LYPLAL1: variants seen among roughly 807,000 people sequenced by gnomAD.
LYPLAL1 encodes lysophospholipase-like protein 1.
In LYPLAL1, 23 loss-of-function variants were observed where a neutral mutation model predicts 19.7. That is an observed-to-expected ratio of 1.17 (90% CI 0.84 to 1.65). The LOEUF is 1.65. Among genes scored for constraint, LYPLAL1 ranks in the 40% most tolerant of loss-of-function variants. The pLI is 0.00. For missense variants in LYPLAL1, 355 were observed against 279.4 expected (o/e 1.27, Z -1.93); for synonymous variants, 119 against 96.3 (o/e 1.24, Z -1.38).
chr1:219,281,115 C>G, the LYPLAL1 span, among the ~76,000 whole-genome samples: 7 of 152,134 alleles, frequency 4.6e-5, no homozygotes, highest in African/African-American at 1.7e-4. Context: ...TAAAGAAGTA[C>G]TCAGGGTGAT....
chr1:219,432,030 T>C, the LYPLAL1 span, among the ~76,000 whole-genome samples: 4 of 152,238 alleles, frequency 2.6e-5, no homozygotes, highest in African/African-American at 4.8e-5. Flanking sequence ...CTATATTTCA[T>C]TGTTAATAAA....
intron 3 of LYPLAL1, among the ~76,000 whole-genome samples, chr1:219,201,051 A>G (rs543128219): frequency 6.6e-6 from 1 of 152,326 alleles, no homozygotes; most frequent in African/African-American, 2.4e-5. Flanking sequence ...AAAGTGTACC[A>G]GTTGATACTT....
the LYPLAL1 span, among the ~76,000 whole-genome samples, chr1:219,299,161 T>G: frequency 1.3e-5 from 2 of 148,946 alleles, no homozygotes; most frequent in African/African-American, 2.5e-5. Context: ...TTTTTTTGTC[T>G]TTTAAACTTG....
At chr1:219,283,663 G>A in the LYPLAL1 span, among the ~76,000 whole-genome samples, 1 of 152,048 alleles carries the variant, frequency 6.6e-6, no homozygotes. Context: ...ACAGCCTTTG[G>A]GCAGAGGAAA....
intron 3 of LYPLAL1, among the ~76,000 whole-genome samples, chr1:219,201,261 G>A (rs1272803007): frequency 6.6e-6 from 1 of 150,808 alleles, no homozygotes; most frequent in Non-Finnish European, 1.5e-5. Flanking sequence ...CTGAGTTTAA[G>A]TTTTCTCATT....
the LYPLAL1 span, among the ~76,000 whole-genome samples, chr1:219,260,234 A>C: frequency 6.6e-6 from 1 of 151,930 alleles, no homozygotes; most frequent in African/African-American, 2.4e-5. Context: ...AGAGGCATTA[A>C]GATTGGTATT....
intron 3 of LYPLAL1, among the ~76,000 whole-genome samples, chr1:219,203,019 G>A (rs1195444517): frequency 6.6e-6 from 1 of 152,090 alleles, no homozygotes; most frequent in African/African-American, 2.4e-5. Flanking sequence ...GAATTATAAT[G>A]GGAAAAACTA....
the LYPLAL1 span, among the ~76,000 whole-genome samples, chr1:219,423,783 T>C: frequency 6.6e-6 from 1 of 152,080 alleles, no homozygotes; most frequent in African/African-American, 2.4e-5. Context: ...TCAGACACTA[T>C]ACTTAGTAAG....
At chr1:219,241,130 C>A in the LYPLAL1 span, among the ~76,000 whole-genome samples, 1,126 of 70,838 alleles carry the variant, frequency 0.016, 4 homozygotes, top group Middle Eastern at 0.022. Flanking sequence ...CTCTCTCTCT[C>A]TCTCTATATA....
At chr1:219,398,597 T>C in the LYPLAL1 span, among the ~76,000 whole-genome samples, 1 of 152,218 alleles carries the variant, frequency 6.6e-6, no homozygotes, top group Non-Finnish European at 1.5e-5. Context: ...GCTGAGGAGA[T>C]GGTGTGGTCA....
intron 3 of LYPLAL1, among the ~76,000 whole-genome samples, chr1:219,199,621 C>CTT (rs895358522): frequency 1.0e-5 from 1 of 95,834 alleles, no homozygotes; most frequent in Non-Finnish European, 2.2e-5. Flanking sequence ...TTTTTTTTTT[C>CTT]TTTTTTTTTT....
At chr1:219,375,125 A>T in the LYPLAL1 span, among the ~76,000 whole-genome samples, 4 of 152,208 alleles carry the variant, frequency 2.6e-5, no homozygotes, top group Non-Finnish European at 5.9e-5. Flanking sequence ...TTTAGAAGGG[A>T]CAAAGCACAG....
chr1:219,226,140 G>A, the LYPLAL1 span, among the ~76,000 whole-genome samples: 3 of 152,084 alleles, frequency 2.0e-5, no homozygotes, highest in Non-Finnish European at 4.4e-5. Flanking sequence ...TGAACTCAAG[G>A]CTAAGGGCTA....
At chr1:219,348,220 A>G in the LYPLAL1 span, among the ~76,000 whole-genome samples, 1 of 152,230 alleles carries the variant, frequency 6.6e-6, no homozygotes, top group Non-Finnish European at 1.5e-5. Flanking sequence ...CCACTTCCAC[A>G]GTGCCAGCCA....
At chr1:219,426,405 A>T in the LYPLAL1 span, among the ~76,000 whole-genome samples, 1 of 152,152 alleles carries the variant, frequency 6.6e-6, no homozygotes, top group East Asian at 1.9e-4. Context: ...AGGAAAAAAA[A>T]TTGTATGACT....
the LYPLAL1 span, among the ~76,000 whole-genome samples, chr1:219,422,391 T>C: frequency 6.6e-6 from 1 of 152,178 alleles, no homozygotes; most frequent in African/African-American, 2.4e-5. Flanking sequence ...TCACATCAGC[T>C]TCCTTCCTGA....
At chr1:219,385,129 C>G in the LYPLAL1 span, among the ~76,000 whole-genome samples, 1 of 152,106 alleles carries the variant, frequency 6.6e-6, no homozygotes, top group African/African-American at 2.4e-5. Flanking sequence ...GGATTTTAAA[C>G]ATTTTAGATA....
chr1:219,251,939 CTT>C, the LYPLAL1 span, among the ~76,000 whole-genome samples: 3 of 151,952 alleles, frequency 2.0e-5, no homozygotes, highest in Non-Finnish European at 2.9e-5. Flanking sequence ...TTCTTTGTGT[CTT>C]TTCTGATTTC....
At chr1:219,230,630 G>A in the LYPLAL1 span, among the ~76,000 whole-genome samples, 1 of 152,224 alleles carries the variant, frequency 6.6e-6, no homozygotes, top group Non-Finnish European at 1.5e-5. Flanking sequence ...AAGATTAGCA[G>A]ACAACCTCCT....
Sources: gnomAD v4.1 joint callset for allele counts (sites outside exome capture counted in the v4.1 genomes callset) on GRCh38, gnomAD v4.1.1 for gene constraint, MANE v1.5 for transcripts, NCBI Gene and HGNC (gene_info 2026-07-23, HGNC 2026-07-21) for gene names.